The following SASH1 variants were observed in gnomAD, a reference collection of about 807,000 sequenced individuals.
The protein encoded by SASH1 is SAM and SH3 domain-containing protein 1.
SASH1 carries 44 observed loss-of-function variants against 125.2 expected under a neutral mutation model. The ratio of observed to expected loss-of-function variants is 0.35; its 90% CI spans 0.28 to 0.45. The LOEUF (loss-of-function observed/expected upper bound fraction) is 0.45. SASH1 is among the 20% of genes least tolerant of loss of function. SASH1 has a pLI of 1.00. For synonymous variants in SASH1, 639 were observed against 649.1 expected (o/e 0.98, Z 0.24); for missense variants, 1,426 against 1,614.5 (o/e 0.88, Z 2.00).
At chr6:148,487,463 G>T in intron 7 of SASH1, 151 bp from the exon 8 acceptor site, 1 of 580,944 alleles carries the variant, frequency 1.7e-6, no homozygotes, top group Non-Finnish European at 3.0e-6. Context: ...ACACTGGCAT[G>T]AAGAAGGTAC....
At chr6:148,423,575 A>T (rs1330657476) in intron 2 of SASH1, among the ~76,000 whole-genome samples, 2 of 152,242 alleles carry the variant, frequency 1.3e-5, no homozygotes, top group African/African-American at 4.8e-5. Flanking sequence ...AATTTTGTAA[A>T]TCCCTTATTC....
intron 1 of SASH1, among the ~76,000 whole-genome samples, chr6:148,371,318 G>A (rs138945601): frequency 6.6e-5 from 10 of 151,598 alleles, no homozygotes; most frequent in Non-Finnish European, 1.2e-4. Flanking sequence ...GTGCAGTGGC[G>A]CAATCTCAGC....
intron 1 of SASH1, among the ~76,000 whole-genome samples, chr6:148,367,820 A>G (rs535993281): frequency 1.3e-5 from 2 of 152,242 alleles, no homozygotes; most frequent in East Asian, 3.9e-4. Flanking sequence ...GGAGGGGGAC[A>G]CCCCTCGGAG....
At chr6:148,228,564 T>C in the SASH1 span, among the ~76,000 whole-genome samples, 3 of 152,242 alleles carry the variant, frequency 2.0e-5, no homozygotes, top group Non-Finnish European at 4.4e-5. Context: ...GTATTGGACC[T>C]GAGCTTGTCA....
intron 1 of SASH1, among the ~76,000 whole-genome samples, chr6:148,377,598 T>C (rs762814061): frequency 6.6e-6 from 1 of 152,216 alleles, no homozygotes; most frequent in African/African-American, 2.4e-5. Context: ...TTTCTTGTCT[T>C]TTGGGACAAG....
chr6:148,468,094 G>A (rs1237877397), intron 4 of SASH1, among the ~76,000 whole-genome samples: 3 of 152,170 alleles, frequency 2.0e-5, no homozygotes, highest in Admixed American at 6.5e-5. Flanking sequence ...TGTCTCACCC[G>A]CCTCCCTGCC....
chr6:148,333,513 A>C (rs910636381), intron 1 of SASH1, among the ~76,000 whole-genome samples: 1 of 152,180 alleles, frequency 6.6e-6, no homozygotes, highest in Admixed American at 6.5e-5. Flanking sequence ...CTAATGATTG[A>C]GTTGTGGGCA....
At chr6:148,403,781 C>G (rs1023466433) in intron 2 of SASH1, among the ~76,000 whole-genome samples, 1 of 152,336 alleles carries the variant, frequency 6.6e-6, no homozygotes, top group South Asian at 2.1e-4. Context: ...ATCCACCCAC[C>G]TCGACCTCCC....
chr6:148,249,737 A>G, the SASH1 span, among the ~76,000 whole-genome samples: 4 of 152,318 alleles, frequency 2.6e-5, no homozygotes, highest in East Asian at 1.9e-4. Flanking sequence ...CCCTGTTTCA[A>G]CCTCACAAGA....
At position 148,474,091 on chromosome 6, in the gene SASH1, C is replaced by A. The variant is rs1352055669; in HGVS notation, c.515-19C>A. On this transcript the variant is annotated intron_variant, in intron 6 of 19. Transcript: ENST00000367467. ...CATTCTTGTTTTCACTCCTGTTGTTCTTTGTCCTCAATCTCCAGGAGAAGA... is the reference window on the plus strand; with the variant it reads ...CATTCTTGTTTTCACTCCTGTTGTTATTTGTCCTCAATCTCCAGGAGAAGA... 8 of 1,534,086 alleles carry A rather than the reference C, an allele frequency of 5.2e-6. No homozygotes were observed. Among genetic ancestry groups the A allele is most frequent in the East Asian group, 2.3e-5 (1 of 44,296 alleles).
At chr6:148,382,767 G>C (rs1038539183) in intron 1 of SASH1, among the ~76,000 whole-genome samples, 1 of 152,128 alleles carries the variant, frequency 6.6e-6, no homozygotes, top group East Asian at 1.9e-4. Flanking sequence ...CACCATGACC[G>C]TATATGCCAA....
chr6:148,429,905 G>C (rs988465138), intron 2 of SASH1, among the ~76,000 whole-genome samples: 4 of 152,158 alleles, frequency 2.6e-5, no homozygotes, highest in African/African-American at 7.2e-5. Flanking sequence ...ATGGATTGTG[G>C]TGGCATACAA....
chr6:148,543,353 C>T (rs1782345191), intron 17 of SASH1, among the ~76,000 whole-genome samples: 1 of 152,182 alleles, frequency 6.6e-6, no homozygotes, highest in South Asian at 2.1e-4. Context: ...GATGATCAGC[C>T]TCTTTCCACG....
the SASH1 span, among the ~76,000 whole-genome samples, chr6:148,222,979 C>T: frequency 1.2e-4 from 18 of 152,244 alleles, no homozygotes; most frequent in South Asian, 8.3e-4. Flanking sequence ...AATAGTACTT[C>T]GCATGCGAAC....
chr6:148,349,201 G>A (rs1390650643), intron 1 of SASH1, among the ~76,000 whole-genome samples: 2 of 149,688 alleles, frequency 1.3e-5, no homozygotes, highest in African/African-American at 2.5e-5. Context: ...GACTACTTGC[G>A]TCTGTGTTTT....
chr6:148,482,752 G>A (rs963586186), intron 7 of SASH1, among the ~76,000 whole-genome samples: 3 of 148,452 alleles, frequency 2.0e-5, no homozygotes, highest in Non-Finnish European at 4.4e-5. Flanking sequence ...GCAGTGGCGC[G>A]ATCTTGGCTC....
In SASH1 at chr6:148,408,390, G is replaced by A. The variant is rs576844218; in HGVS notation, c.285+18128G>A. Among the ~76,000 whole-genome samples, 33 of 152,206 alleles carry A rather than the reference G, an allele frequency of 2.2e-4. No individual in the cohort carries two copies. In the South Asian group the frequency reaches 6.9e-3, roughly 32 times the overall value. On this transcript the variant is annotated intron_variant, in intron 2 of 19. Coordinates refer to ENST00000367467, the MANE Select transcript of SASH1 (RefSeq NM_015278.5). ...CAGAGTGCTGGGATTACAGGTGTGA[G>A]CCACCACGCCCAGCGCATCTTTTCA... is the stretch of plus-strand genomic sequence containing the variant.
At position 148,358,284 on chromosome 6, in the gene SASH1, G is replaced by A. The variant is rs1279942243; in HGVS notation, c.156+15061G>A. Among the ~76,000 whole-genome samples the A allele has an allele frequency of 3.9e-5, 6 of 152,272 alleles. No individual in the cohort carries two copies. The East Asian group carries it at 9.6e-4, about 24-fold the overall frequency. On this transcript the variant is annotated intron_variant, in intron 1 of 19. Coordinates refer to ENST00000367467, the MANE Select transcript of SASH1 (RefSeq NM_015278.5). The stretch of plus-strand genomic sequence containing the variant: ...GCTCAAGGACTGTAGGTCACCGATG[G>A]CTCCCAAGGATCAGCCAGAGACCAA...
the SASH1 span, among the ~76,000 whole-genome samples, chr6:148,208,852 G>A: frequency 5.3e-5 from 8 of 152,280 alleles, no homozygotes; most frequent in East Asian, 1.2e-3. Context: ...TTACTAATAA[G>A]AATAAATCCT....
Sources: gnomAD v4.1 joint callset for allele counts (sites outside exome capture counted in the v4.1 genomes callset) on GRCh38, gnomAD v4.1.1 for gene constraint, MANE v1.5 for transcripts, NCBI Gene and HGNC (gene_info 2026-07-23, HGNC 2026-07-21) for gene names.